Variants in PTCD3 observed in about 807,000 individuals in gnomAD.
PTCD3 encodes the protein small ribosomal subunit protein mS39.
In PTCD3, 89 loss-of-function variants were observed where a neutral mutation model predicts 101.9. That is an observed-to-expected ratio of 0.87 (90% CI 0.74 to 1.04). The LOEUF (loss-of-function observed/expected upper bound fraction) is 1.04. PTCD3 is among the 50% of genes least tolerant of loss of function. The pLI is 0.00. For synonymous variants in PTCD3, 296 were observed against 278.5 expected (o/e 1.06, Z -0.63); for missense variants, 870 against 828.2 (o/e 1.05, Z -0.62).
chr2:86,124,133 G>A (rs1376754216), intron 9 of PTCD3, among the ~76,000 whole-genome samples: 3 of 152,208 alleles, frequency 2.0e-5, no homozygotes, highest in African/African-American at 7.2e-5. Flanking sequence ...ACACTAGAGT[G>A]TACTGCTAAA....
intron 12 of PTCD3, among the ~76,000 whole-genome samples, chr2:86,126,482 A>G (rs1444303139): frequency 1.3e-5 from 2 of 152,146 alleles, no homozygotes; most frequent in Non-Finnish European, 2.9e-5. Context: ...TTGCTGTCAA[A>G]TCCTATCAGG....
At chr2:86,125,538 G>A (rs779486523) in intron 11 of PTCD3, 23 bp downstream of exon 11, 16 of 1,579,350 alleles carry the variant, frequency 1.0e-5, no homozygotes, top group Non-Finnish European at 1.4e-5. Flanking sequence ...ACTCCCCTCT[G>A]TCCCTTTCTC....
Position 86,132,472 on chromosome 2 carries a change from C to T in PTCD3, c.1373+48C>T, listed in dbSNP as rs763196645. ...CTTTTGCATGAGTTACCAGATTCTGCAAGTGGGAGGCTGTTGATGTCCCTT... is the reference window on the plus strand; with the variant it reads ...CTTTTGCATGAGTTACCAGATTCTGTAAGTGGGAGGCTGTTGATGTCCCTT... On this transcript the variant is annotated intron_variant, in intron 17 of 23. Transcript: ENST00000254630. The T allele has an allele frequency of 2.1e-5, 28 of 1,356,600 alleles. No homozygotes were observed. The Admixed American group carries it at 4.9e-4, about 24-fold the overall frequency. 84.0% of individuals were successfully genotyped at this position (1,356,600 alleles called of 1,614,324 possible). A position where few individuals can be genotyped will look rare whatever the true frequency, so the allele number is the denominator to read the frequency against.
At position 86,140,502 on chromosome 2, in the gene PTCD3, T is replaced by C. The variant is rs1326990226; in HGVS notation, c.*2943T>C. On this transcript the variant is annotated 3_prime_UTR_variant, in exon 24 of 24. Transcript: ENST00000254630. ...CAGTATAGATCTGTGCATAGATATATGCATTAAGTGTAGCAAATCGTGATG... is the reference window on the plus strand; with the variant it reads ...CAGTATAGATCTGTGCATAGATATACGCATTAAGTGTAGCAAATCGTGATG... 1 of 152,194 alleles carries C rather than the reference T, an allele frequency of 6.6e-6. No individual in the cohort carries two copies. The highest frequency in any genetic ancestry group is 1.5e-5 in the Non-Finnish European group (1 of 68,036). The allele number at this position is 152,194 out of a possible 1,614,324, so 9.4% of individuals were successfully genotyped here. A position where few individuals can be genotyped will look rare whatever the true frequency, so the allele number is the denominator to read the frequency against.
At chr2:86,109,407 A>AG (rs1306598797) in intron 3 of PTCD3, among the ~76,000 whole-genome samples, 2 of 11,442 alleles carry the variant, frequency 1.7e-4, no homozygotes, top group Non-Finnish European at 1.3e-3. Flanking sequence ...ACTCCATCTC[A>AG]AAAAAAAAAA....
At position 86,108,369 on chromosome 2, in the gene PTCD3, A is replaced by G. The variant is rs750340177; in HGVS notation, c.124A>G (p.Thr42Ala). ...TTGCAGATTTTATTCTGGTAGTGCA[A>G]CCCTCTCAAAGGTTGAAGGAACTGA... ...RSCRFYSGSA[T>A]LSKVEGTDVT... is the part of the protein sequence containing the mutation. Residue 42 changes from threonine to alanine, a missense_variant, in exon 2 of 24, where the codon ACC (threonine) becomes GCC (alanine). Transcript: ENST00000254630. 40 of 1,608,822 alleles carry G rather than the reference A, an allele frequency of 2.5e-5. No homozygotes were observed. Among genetic ancestry groups the G allele is most frequent in the Non-Finnish European group, 3.2e-5 (38 of 1,178,202 alleles).
intron 21 of PTCD3, 24 bp from the exon 22 acceptor site, chr2:86,136,497 T>C (rs1467863348): frequency 6.3e-7 from 1 of 1,592,960 alleles, no homozygotes; most frequent in Non-Finnish European, 8.6e-7. Flanking sequence ...ATAGTATTCA[T>C]AATCTTTTTC....
Position 86,136,552 on chromosome 2 carries a change from A to G in PTCD3, c.1810A>G (p.Lys604Glu), listed in dbSNP as rs1334843632. 6 of 1,612,382 alleles carry G rather than the reference A, an allele frequency of 3.7e-6. No individual in the cohort carries two copies. Among genetic ancestry groups the G allele is most frequent in the Non-Finnish European group, 5.1e-6 (6 of 1,178,526 alleles). The change falls in exon 22 of 24, where the codon AAG (lysine) becomes GAG (glutamate). Residue 604 changes from lysine to glutamate, a missense_variant. Transcript: ENST00000254630. The part of the protein sequence containing the change: ...KMLGLFRKHN[K>E]IPRSELLNEL... ...GTTGGGGCTTTTCAGGAAGCATAAT[A>G]AGATTCCTAGGTAAGTTGAAATCAG... is the stretch of plus-strand genomic sequence containing the variant.
chr2:86,116,550 T>C lies in PTCD3; in HGVS notation c.261T>C (p.Tyr87=), dbSNP rs201472663. ...TVNRDTTAVP[Y]VFQDDPYLMP... ...CACAGGATACCACAGCTGTGCCTTA[T>C]GTGTTTCAAGATGATCCTTACCTTA... The change falls in exon 5 of 24, where the codon TAT becomes TAC. Residue 87 remains tyrosine (Y), a synonymous_variant. Transcript: ENST00000254630. 4.3e-6 allele frequency: 7 copies of C among 1,610,196 alleles called. No individual in the cohort carries two copies. In the Admixed American group the frequency reaches 6.7e-5, roughly 15 times the overall value.
At chr2:86,111,202 A>G (rs774185699) in intron 4 of PTCD3, 44 bp downstream of exon 4, 33 of 1,511,574 alleles carry the variant, frequency 2.2e-5, no homozygotes, top group Non-Finnish European at 2.9e-5. Flanking sequence ...AACTTGGCTA[A>G]TAACACACTT....
At chr2:86,124,891 G>T (rs961471845) in intron 9 of PTCD3, 104 bp from the exon 10 acceptor site, 3 of 1,445,646 alleles carry the variant, frequency 2.1e-6, no homozygotes, top group Non-Finnish European at 1.8e-6. Context: ...TGTATAGAAA[G>T]TACTTGGCAC....
At chr2:86,114,628 A>G (rs1053889842) in intron 4 of PTCD3, among the ~76,000 whole-genome samples, 1 of 152,240 alleles carries the variant, frequency 6.6e-6, no homozygotes, top group Admixed American at 6.5e-5. Flanking sequence ...TTCCCTCCAA[A>G]CATTCCTCAC....
intron 12 of PTCD3, among the ~76,000 whole-genome samples, chr2:86,126,476 T>C (rs1674391780): frequency 6.6e-6 from 1 of 152,200 alleles, no homozygotes; most frequent in African/African-American, 2.4e-5. Flanking sequence ...GCATATTTGC[T>C]GTCAAATCCT....
At chr2:86,128,735 A>G (rs1189468347) in intron 14 of PTCD3, among the ~76,000 whole-genome samples, 1 of 152,180 alleles carries the variant, frequency 6.6e-6, no homozygotes, top group Non-Finnish European at 1.5e-5. Flanking sequence ...TAGTAGATGG[A>G]CTTTGAAGAG....
intron 16 of PTCD3, among the ~76,000 whole-genome samples, chr2:86,131,750 A>G (rs973386731): frequency 1.3e-5 from 2 of 152,232 alleles, no homozygotes; most frequent in African/African-American, 4.8e-5. Flanking sequence ...TTGCTTTACT[A>G]TTAGATTGGT....
At chr2:86,110,346 C>T (rs1244032085) in intron 3 of PTCD3, among the ~76,000 whole-genome samples, 1 of 152,064 alleles carries the variant, frequency 6.6e-6, no homozygotes, top group Non-Finnish European at 1.5e-5. Flanking sequence ...ATTTCCTGTA[C>T]TTTTGTTTTT....
intron 14 of PTCD3, among the ~76,000 whole-genome samples, chr2:86,128,841 TAGTTAAATGAGTTCCACACTGTGTCTG>T (rs1674445109): frequency 6.6e-6 from 1 of 152,158 alleles, no homozygotes; most frequent in African/African-American, 2.4e-5. Flanking sequence ...CAGGGTGTGG[TAGTTAAATGAGTTCCACACTGTGTCTG>T]CTACTGTGCT....
chr2:86,106,348 G>A lies in PTCD3; in HGVS notation c.101G>A (p.Cys34Tyr). The change falls in exon 1 of 24, where the codon TGC becomes TAC. Residue 34 changes from cysteine (C) to tyrosine (Y), a missense_variant. Coordinates refer to ENST00000254630, the MANE Select transcript of PTCD3 (RefSeq NM_017952.6). ...RAGLCEQARS[C>Y]RFYSGSATLS... ...GGTTTGTGTGAACAGGCACGCAGCTGCAGGTAAGAGACGCTTAGGGTATCC... is the reference window on the plus strand; with the variant it reads ...GGTTTGTGTGAACAGGCACGCAGCTACAGGTAAGAGACGCTTAGGGTATCC... The A allele has an allele frequency of 6.2e-7, 1 of 1,613,890 alleles. No individual in the cohort carries two copies. The highest frequency in any genetic ancestry group is 2.2e-5 in the East Asian group (1 of 44,868).
chr2:86,118,998 A>G lies in PTCD3; in HGVS notation c.492A>G (p.Arg164=). 6.2e-7 allele frequency: 1 copy of G among 1,614,182 alleles called. No homozygotes were observed. Residue 164 remains arginine, a synonymous_variant, in exon 7 of 24, where the codon AGA becomes AGG. Transcript: ENST00000254630. ...CCCTGAAGGAACGAATTGAGCTCAG[A>G]AAAGTCAAAGCCTCTGTGGACATGT... ...EAALKERIEL[R]KVKASVDMFD...
Sources: gnomAD v4.1 joint callset for allele counts (sites outside exome capture counted in the v4.1 genomes callset) on GRCh38, gnomAD v4.1.1 for gene constraint, MANE v1.5 for transcripts, NCBI Gene and HGNC (gene_info 2026-07-23, HGNC 2026-07-21) for gene names.